The following PIERCE2 variants were observed in gnomAD, a reference collection of about 807,000 sequenced individuals.
PIERCE2 encodes the protein piercer of microtubule wall 2.
chr15:55,418,557 A>G, the PIERCE2 span: 1 of 1,461,536 alleles, frequency 6.8e-7, no homozygotes, highest in Admixed American at 2.2e-5. Flanking sequence ...CCTAATATTC[A>G]ACACACTCTA....
At chr15:55,408,648 T>C in the PIERCE2 span, 1 of 643,102 alleles carries the variant, frequency 1.6e-6, no homozygotes, top group East Asian at 2.8e-5. Flanking sequence ...CTATTCATCT[T>C]CTGTTTGCTG....
chr15:55,416,292 G>C, the PIERCE2 span, among the ~76,000 whole-genome samples: 1 of 152,080 alleles, frequency 6.6e-6, no homozygotes, highest in Non-Finnish European at 1.5e-5. Flanking sequence ...AGTAGAGACG[G>C]GGTTTCACCA....
At chr15:55,418,262 A>C in the PIERCE2 span, 6 of 1,555,474 alleles carry the variant, frequency 3.9e-6, no homozygotes, top group Non-Finnish European at 5.2e-6. Flanking sequence ...AGACACAGAA[A>C]TGAAATCTGA....
At chr15:55,418,309 G>A in the PIERCE2 span, 6 of 1,547,072 alleles carry the variant, frequency 3.9e-6, no homozygotes, top group Non-Finnish European at 5.2e-6. Flanking sequence ...GCAATCCTGT[G>A]TTTTCATGTA....
the PIERCE2 span, chr15:55,418,216 C>A: frequency 6.4e-6 from 10 of 1,571,486 alleles, no homozygotes; most frequent in Admixed American, 1.9e-5. Context: ...ATGTGTTTAT[C>A]TTTTAGGATA....
chr15:55,409,108 G>T, the PIERCE2 span, among the ~76,000 whole-genome samples: 1 of 152,114 alleles, frequency 6.6e-6, no homozygotes, highest in Non-Finnish European at 1.5e-5. Flanking sequence ...GAGTTGTTTT[G>T]AAAAAGGATT....
At chr15:55,418,078 T>C in the PIERCE2 span, 1 of 1,552,054 alleles carries the variant, frequency 6.4e-7, no homozygotes, top group Non-Finnish European at 8.7e-7. Flanking sequence ...AGGGATATGA[T>C]GGCTTAGCTT....
At chr15:55,418,736 T>C in the PIERCE2 span, 10 of 526,274 alleles carry the variant, frequency 1.9e-5, no homozygotes, top group Non-Finnish European at 3.2e-5. Context: ...ACTTTTTAAA[T>C]GAAAATATGT....
the PIERCE2 span, among the ~76,000 whole-genome samples, chr15:55,414,850 C>G: frequency 6.6e-6 from 1 of 152,080 alleles, no homozygotes; most frequent in Non-Finnish European, 1.5e-5. Flanking sequence ...TACACTCCAG[C>G]CTGGGCAACA....
the PIERCE2 span, among the ~76,000 whole-genome samples, chr15:55,417,088 T>G: frequency 2.4e-4 from 36 of 152,300 alleles, no homozygotes; most frequent in Middle Eastern, 0.017. Context: ...ACACAGGCCC[T>G]AACAACAGCC....
chr15:55,410,908 A>G, the PIERCE2 span: 1 of 152,250 alleles, frequency 6.6e-6, no homozygotes. Flanking sequence ...CTTATGATTT[A>G]CTATTATCCA....
chr15:55,410,881 A>G, the PIERCE2 span: 1 of 152,248 alleles, frequency 6.6e-6, no homozygotes, highest in Admixed American at 6.5e-5. Context: ...TTGAGATACC[A>G]TCAAAATTTT....
At chr15:55,408,539 T>C in the PIERCE2 span, 11 of 377,560 alleles carry the variant, frequency 2.9e-5, no homozygotes, top group East Asian at 7.8e-5. Context: ...CCAGTTGCTA[T>C]GGTTACGAGT....
At chr15:55,418,255 C>T in the PIERCE2 span, 14 of 1,556,540 alleles carry the variant, frequency 9.0e-6, no homozygotes, top group South Asian at 1.7e-4. Flanking sequence ...CAAATTCAGA[C>T]ACAGAAATGA....
chr15:55,411,708 G>A, the PIERCE2 span, among the ~76,000 whole-genome samples: 1 of 152,004 alleles, frequency 6.6e-6, no homozygotes, highest in African/African-American at 2.4e-5. Context: ...GATCACCTGA[G>A]GTTGGGAGTT....
the PIERCE2 span, among the ~76,000 whole-genome samples, chr15:55,413,674 C>A: frequency 1.4e-5 from 2 of 144,988 alleles, 1 homozygote; most frequent in Non-Finnish European, 3.0e-5. Flanking sequence ...GCAGGAGAAT[C>A]GCTTGAACCT....
chr15:55,417,315 T>C, the PIERCE2 span, among the ~76,000 whole-genome samples: 1 of 152,188 alleles, frequency 6.6e-6, no homozygotes, highest in Non-Finnish European at 1.5e-5. Context: ...TATCTTTTAC[T>C]TCCTTGCCTT....
chr15:55,418,290 T>C, the PIERCE2 span: 1 of 1,550,362 alleles, frequency 6.5e-7, no homozygotes, highest in African/African-American at 1.4e-5. Flanking sequence ...CCTCCTTGTG[T>C]GAACCCTGGC....
the PIERCE2 span, among the ~76,000 whole-genome samples, chr15:55,414,318 C>T: frequency 3.5e-5 from 5 of 143,308 alleles, no homozygotes; most frequent in African/African-American, 7.7e-5. Context: ...GAAGCAATTC[C>T]CCTGCCTCAG....
Sources: allele counts gnomAD v4.1 joint callset (sites outside exome capture counted in the v4.1 genomes callset), GRCh38; gene constraint gnomAD v4.1.1; transcripts MANE v1.5; gene names NCBI Gene and HGNC (gene_info 2026-07-23, HGNC 2026-07-21).